The following PTPRT variants were observed in gnomAD, a reference collection of about 807,000 sequenced individuals.
PTPRT encodes the protein protein tyrosine phosphatase receptor type T.
In PTPRT, 56 loss-of-function variants were observed where a neutral mutation model predicts 176.8. That is an observed-to-expected ratio of 0.32 (90% CI 0.26 to 0.40). The LOEUF is 0.40. Among genes scored for constraint, PTPRT ranks in the 10% least tolerant of loss-of-function variants. The pLI, the probability that PTPRT is intolerant of heterozygous loss-of-function variation, is 1.00. For synonymous variants in PTPRT, 783 were observed against 739.0 expected, an observed-to-expected ratio of 1.06 and a Z score of -0.96; for missense variants, 1,540 against 1,908.2, an observed-to-expected ratio of 0.81 and a Z score of 3.60.
At chr20:42,627,118 T>C (rs2074304704) in intron 7 of PTPRT, among the ~76,000 whole-genome samples, 1 of 152,154 alleles carries the variant, frequency 6.6e-6, no homozygotes, top group Non-Finnish European at 1.5e-5. Context: ...ATTCTAAAAG[T>C]GTGAGTTTCA....
At chr20:42,973,259 GA>G (rs1982758509) in intron 1 of PTPRT, among the ~76,000 whole-genome samples, 1 of 152,106 alleles carries the variant, frequency 6.6e-6, no homozygotes, top group South Asian at 2.1e-4. Flanking sequence ...TTTGATCTGG[GA>G]AAGACTGAGG....
At chr20:42,859,810 T>C (rs2078630223) in intron 2 of PTPRT, among the ~76,000 whole-genome samples, 2 of 151,672 alleles carry the variant, frequency 1.3e-5, no homozygotes, top group Admixed American at 1.3e-4. Context: ...GCCAGAATCG[T>C]CTCTATCTCC....
chr20:42,789,912 C>T (rs942411366), intron 3 of PTPRT, among the ~76,000 whole-genome samples: 10 of 152,306 alleles, frequency 6.6e-5, no homozygotes, highest in African/African-American at 2.4e-4. Context: ...TCTGGAAGAA[C>T]TGTACCATGG....
chr20:42,059,877 G>A, the PTPRT span, among the ~76,000 whole-genome samples: 1 of 152,138 alleles, frequency 6.6e-6, no homozygotes, highest in African/African-American at 2.4e-5. Flanking sequence ...CATAACTCAA[G>A]TAATCCTTTT....
intron 7 of PTPRT, among the ~76,000 whole-genome samples, chr20:42,648,908 T>A (rs1046868855): frequency 7.0e-6 from 1 of 142,740 alleles, no homozygotes; most frequent in African/African-American, 2.6e-5. Context: ...AAGCTCTGCC[T>A]CCCGGGTTCA....
chr20:42,774,159 G>T (rs554934584), intron 4 of PTPRT, among the ~76,000 whole-genome samples: 53 of 152,346 alleles, frequency 3.5e-4, no homozygotes, highest in African/African-American at 8.7e-4. Flanking sequence ...ACAAGAGCCA[G>T]TTATGTAAAT....
chr20:42,713,905 G>C (rs1013559079), intron 6 of PTPRT, among the ~76,000 whole-genome samples: 3 of 152,134 alleles, frequency 2.0e-5, no homozygotes, highest in Admixed American at 6.5e-5. Flanking sequence ...AGTTTCCTGA[G>C]ACCTCCCCAG....
intron 1 of PTPRT, among the ~76,000 whole-genome samples, chr20:42,933,346 C>T (rs1979982637): frequency 6.6e-6 from 1 of 152,190 alleles, no homozygotes; most frequent in African/African-American, 2.4e-5. Context: ...TCAATTTGGT[C>T]TCCCACAGAG....
chr20:42,942,522 A>C (rs1320242657), intron 1 of PTPRT, among the ~76,000 whole-genome samples: 3 of 152,240 alleles, frequency 2.0e-5, no homozygotes, highest in Non-Finnish European at 4.4e-5. Context: ...CTAGATGTTT[A>C]TCTAAAGTCT....
chr20:43,019,477 G>T (rs1985545798), intron 1 of PTPRT, among the ~76,000 whole-genome samples: 1 of 151,882 alleles, frequency 6.6e-6, no homozygotes, highest in Non-Finnish European at 1.5e-5. Context: ...AAATTAGCTG[G>T]GTGTGGTGGT....
At chr20:42,116,403 G>A (rs1600541512) in intron 21 of PTPRT, among the ~76,000 whole-genome samples, 1 of 152,136 alleles carries the variant, frequency 6.6e-6, no homozygotes, top group Non-Finnish European at 1.5e-5. Context: ...ACAGAGCATG[G>A]GGGCAAATGG....
chr20:42,775,452 T>A (rs1480349992), intron 4 of PTPRT, among the ~76,000 whole-genome samples: 6 of 152,082 alleles, frequency 3.9e-5, no homozygotes, highest in Non-Finnish European at 8.8e-5. Flanking sequence ...AGTGGAAAAA[T>A]CATACTGACA....
intron 6 of PTPRT, 123 bp from the exon 7 acceptor site, chr20:42,678,282 T>G: frequency 1.1e-6 from 1 of 875,676 alleles, no homozygotes; most frequent in East Asian, 2.8e-5. Context: ...CAGAAACCCC[T>G]TTTTGTTTTA....
At chr20:42,130,907 C>A (rs972082652) in intron 18 of PTPRT, among the ~76,000 whole-genome samples, 1 of 152,110 alleles carries the variant, frequency 6.6e-6, no homozygotes. Context: ...TCTCCTTCAA[C>A]CATTTATGCC....
chr20:42,032,978 A>G, the PTPRT span, among the ~76,000 whole-genome samples: 2 of 149,558 alleles, frequency 1.3e-5, no homozygotes, highest in Non-Finnish European at 3.0e-5. Flanking sequence ...CACTGACTCC[A>G]TGACTATAAT....
chr20:42,686,859 C>T (rs1400613247), intron 6 of PTPRT, among the ~76,000 whole-genome samples: 7 of 152,018 alleles, frequency 4.6e-5, no homozygotes, highest in Non-Finnish European at 8.8e-5. Flanking sequence ...ACCAGTGTTC[C>T]CTACAACTTA....
At chr20:43,139,266 T>C (rs181286821) in intron 1 of PTPRT, among the ~76,000 whole-genome samples, 68 of 152,328 alleles carry the variant, frequency 4.5e-4, no homozygotes, top group Non-Finnish European at 7.9e-4. Context: ...CGATTGTTGT[T>C]AAATCTTGAT....
rs946204310 is a variant in PTPRT, at chr20:42,280,010, A to G, written c.2176+2479T>C. 6.8e-4 allele frequency among the ~76,000 whole-genome samples: 103 copies of G among 152,240 alleles called. 1 individual carries two copies. Among genetic ancestry groups the G allele is most frequent in the African/African-American group, 2.3e-3 (95 of 41,550 alleles). On this transcript the variant is annotated intron_variant, in intron 13 of 30. Transcript: ENST00000373187. ...GAGCCTTGGGAGAGACTGGTGACCC[A>G]TCTCTGGGACTTCATATGCTTCCAA... is the stretch of plus-strand genomic sequence containing the variant.
At chr20:42,316,272 C>T (rs2057720727) in intron 11 of PTPRT, among the ~76,000 whole-genome samples, 1 of 152,176 alleles carries the variant, frequency 6.6e-6, no homozygotes, top group South Asian at 2.1e-4. Context: ...CATTTCCTTT[C>T]TTAGTAAATG....
Sources: gnomAD v4.1 joint callset for allele counts (sites outside exome capture counted in the v4.1 genomes callset) on GRCh38, gnomAD v4.1.1 for gene constraint, MANE v1.5 for transcripts, NCBI Gene and HGNC (gene_info 2026-07-23, HGNC 2026-07-21) for gene names.